The following NUGGC variants were observed in gnomAD, a reference collection of about 807,000 sequenced individuals.
NUGGC encodes the protein nuclear GTPase SLIP-GC.
Under a neutral mutation model 92.6 loss-of-function variants are expected in NUGGC, and 58 were observed. The ratio of observed to expected loss-of-function variants is 0.63; its 90% CI spans 0.51 to 0.78. The LOEUF is 0.78. Among genes scored for constraint, NUGGC ranks in the 30% least tolerant of loss-of-function variants. The probability of loss-of-function intolerance (pLI) is 0.00; values close to 1 mark genes in which losing one functional copy is unlikely to be tolerated. For missense variants in NUGGC, 925 were observed against 964.6 expected (o/e 0.96, Z 0.54); for synonymous variants, 376 against 366.4 (o/e 1.03, Z -0.30).
intron 17 of NUGGC, among the ~76,000 whole-genome samples, chr8:28,028,171 T>A (rs1209651671): frequency 6.6e-6 from 1 of 152,192 alleles, no homozygotes; most frequent in Non-Finnish European, 1.5e-5. Flanking sequence ...ACGTACACAT[T>A]TTTTAAGCGA....
chr8:28,074,870 C>T (rs1395915269), intron 1 of NUGGC, among the ~76,000 whole-genome samples: 3 of 151,966 alleles, frequency 2.0e-5, no homozygotes, highest in South Asian at 2.1e-4. Context: ...ACCTGGGAGG[C>T]GGGGCTTGTA....
intron 10 of NUGGC, among the ~76,000 whole-genome samples, chr8:28,051,100 A>C (rs1585576445): frequency 6.6e-6 from 1 of 152,206 alleles, no homozygotes; most frequent in East Asian, 1.9e-4. Flanking sequence ...CTGAGATTAC[A>C]GGTGTGAGCC....
chr8:28,034,905 C>A (rs940427255), intron 13 of NUGGC, among the ~76,000 whole-genome samples: 1 of 152,156 alleles, frequency 6.6e-6, no homozygotes. Context: ...CTCTCTTGTT[C>A]TTAGACATTT....
intron 7 of NUGGC, among the ~76,000 whole-genome samples, chr8:28,061,379 C>T (rs1027507934): frequency 1.3e-5 from 2 of 152,198 alleles, no homozygotes; most frequent in Non-Finnish European, 2.9e-5. Flanking sequence ...TGACATTTCT[C>T]TAATTGTATT....
intron 7 of NUGGC, among the ~76,000 whole-genome samples, chr8:28,061,161 T>C (rs1465259632): frequency 1.3e-5 from 2 of 152,214 alleles, no homozygotes; most frequent in Non-Finnish European, 2.9e-5. Context: ...CTAGGTTTGG[T>C]GGTGCACCTA....
intron 2 of NUGGC, among the ~76,000 whole-genome samples, chr8:28,073,584 G>A (rs762442183): frequency 1.2e-4 from 18 of 152,180 alleles, no homozygotes; most frequent in South Asian, 1.0e-3. Context: ...CCCTGTCATC[G>A]TCCTATAGGG....
At chr8:28,049,977 C>A (rs576919208) in intron 10 of NUGGC, among the ~76,000 whole-genome samples, 2 of 152,066 alleles carry the variant, frequency 1.3e-5, no homozygotes, top group African/African-American at 2.4e-5. Context: ...GTCCCAACTA[C>A]TCGGGAGGCT....
chr8:28,067,547 G>A lies in NUGGC; in HGVS notation c.678C>T (p.Pro226=), dbSNP rs1271971961. The A allele has an allele frequency of 6.2e-7, 1 of 1,611,764 alleles. No homozygotes were observed. The highest frequency in any genetic ancestry group is 8.5e-7 in the Non-Finnish European group (1 of 1,178,922). The stretch of plus-strand genomic sequence containing the variant: ...CCTTGAGGGTGATGACTCTGGAGGT[G>A]GGGATCTTCCTTTTGGGCTTCGCCC... ...LLRAKPKRKI[P]TSRVITLKAE... is the part of the protein sequence containing the mutation. The change falls in exon 6 of 19, where the codon CCC becomes CCT. Residue 226 remains proline (P), a synonymous_variant. Coordinates refer to ENST00000413272, the MANE Select transcript of NUGGC (RefSeq NM_001010906.2).
chr8:28,075,432 C>A (rs1435454096), intron 1 of NUGGC, among the ~76,000 whole-genome samples: 1 of 152,184 alleles, frequency 6.6e-6, no homozygotes, highest in African/African-American at 2.4e-5. Flanking sequence ...AGGCTCAGAA[C>A]AGAGGGCACT....
chr8:28,081,697 T>C (rs2130301140), intron 1 of NUGGC, among the ~76,000 whole-genome samples: 1 of 152,202 alleles, frequency 6.6e-6, no homozygotes, highest in South Asian at 2.1e-4. Flanking sequence ...GCTAACTCGG[T>C]GAAACTCTGT....
At chr8:28,055,562 C>G (rs1401813675) in intron 10 of NUGGC, among the ~76,000 whole-genome samples, 2 of 152,234 alleles carry the variant, frequency 1.3e-5, no homozygotes, top group East Asian at 1.9e-4. Context: ...TCCAAACTGT[C>G]TCCTATAGGT....
chr8:28,044,963 T>C (rs1809793081), intron 12 of NUGGC, among the ~76,000 whole-genome samples: 1 of 152,190 alleles, frequency 6.6e-6, no homozygotes, highest in Non-Finnish European at 1.5e-5. Flanking sequence ...ATGAAAGAGA[T>C]AAATATGTCA....
intron 1 of NUGGC, among the ~76,000 whole-genome samples, chr8:28,076,833 A>G (rs544877639): frequency 6.6e-6 from 1 of 152,180 alleles, no homozygotes; most frequent in African/African-American, 2.4e-5. Context: ...GACATCCTGC[A>G]TATTTTCTAG....
chr8:28,023,120 C>T lies in NUGGC; in HGVS notation c.*197G>A, dbSNP rs2130042401. ...AGGTGTGGTGGCCTGTACCTGTAGC[C>T]CCAGCTGCTCTGGAGGCTGAGGCTG... On this transcript the variant is annotated 3_prime_UTR_variant, in exon 19 of 19. Transcript: ENST00000413272. 2 of 545,978 alleles carry T rather than the reference C, an allele frequency of 3.7e-6. No individual in the cohort carries two copies. Among genetic ancestry groups the T allele is most frequent in the Middle Eastern group, 9.9e-4 (2 of 2,022 alleles). The allele number at this position is 545,978 out of a possible 1,614,324, so 33.8% of individuals were successfully genotyped here. A position where few individuals can be genotyped will look rare whatever the true frequency, so the allele number is the denominator to read the frequency against.
rs1810554972 is a variant in NUGGC at position 28,070,309 on chromosome 8, C to T, written c.91G>A (p.Asp31Asn). 1 of 1,552,868 alleles carries T rather than the reference C, an allele frequency of 6.4e-7. No homozygotes were observed. Among genetic ancestry groups the T allele is most frequent in the Admixed American group, 1.9e-5 (1 of 51,300 alleles). ...AATGCTCGGAACCGCTGGTCTCGAT[C>T]TGATTTCCTTCTTTTTCTCGTTCGT... is the stretch of plus-strand genomic sequence containing the variant. ...KERTRKRRKSDRDQRFRAFPS... is the reference protein window; with the variant it reads ...KERTRKRRKSNRDQRFRAFPS... The change falls in exon 3 of 19, where the codon GAT becomes AAT. Residue 31 changes from aspartate (D) to asparagine (N), a missense_variant. Transcript: ENST00000413272.
intron 1 of NUGGC, among the ~76,000 whole-genome samples, chr8:28,079,239 T>C (rs969319346): frequency 1.3e-5 from 2 of 152,156 alleles, no homozygotes; most frequent in African/African-American, 4.8e-5. Context: ...CTGCATATCA[T>C]GGCATTGAAT....
At chr8:28,083,099 TG>T (rs1332346170) in intron 1 of NUGGC, among the ~76,000 whole-genome samples, 4 of 152,142 alleles carry the variant, frequency 2.6e-5, no homozygotes, top group Non-Finnish European at 5.9e-5. Flanking sequence ...GCTCCTTAAG[TG>T]TGTGCTGTGC....
rs769622342 is a variant in NUGGC, at chr8:28,063,288, A to T, written c.921+1234T>A. The stretch of plus-strand genomic sequence containing the variant: ...CGCTTCAGCCTGACCTCCTCAGAGC[A>T]CATTTTCTGAGCCAGATCTGCCGTC... On this transcript the variant is annotated intron_variant, in intron 7 of 18. Coordinates refer to ENST00000413272, the MANE Select transcript of NUGGC (RefSeq NM_001010906.2). Among the ~76,000 whole-genome samples the T allele has an allele frequency of 7.1e-4, 108 of 152,318 alleles. 1 individual carries two copies. The highest frequency in any genetic ancestry group is 2.6e-4 in the Admixed American group (4 of 15,304).
chr8:28,082,880 TG>T (rs1378841095), intron 1 of NUGGC, among the ~76,000 whole-genome samples: 1 of 152,198 alleles, frequency 6.6e-6, no homozygotes, highest in East Asian at 1.9e-4. Flanking sequence ...CACTCCAGCC[TG>T]GGTAACAGAC....
Sources: gnomAD v4.1 joint callset for allele counts (sites outside exome capture counted in the v4.1 genomes callset) on GRCh38, gnomAD v4.1.1 for gene constraint, MANE v1.5 for transcripts, NCBI Gene and HGNC (gene_info 2026-07-23, HGNC 2026-07-21) for gene names.